The following SOCS2 variants were observed in gnomAD, a reference collection of about 807,000 sequenced individuals.
SOCS2 encodes suppressor of cytokine signaling 2.
In SOCS2, 10 loss-of-function variants were observed where a neutral mutation model predicts 18.6. The observed-to-expected ratio is 0.54, with a 90% CI of 0.33 to 0.91. SOCS2 has a LOEUF of 0.91. SOCS2 is among the 40% of genes least tolerant of loss of function. The pLI is 0.02. For missense variants in SOCS2, 231 were observed against 247.2 expected, an observed-to-expected ratio of 0.93 and a Z score of 0.44; for synonymous variants, 104 against 104.0, an observed-to-expected ratio of 1.00 and a Z score of 0.00.
the SOCS2 span, among the ~76,000 whole-genome samples, chr12:93,598,617 A>G: frequency 5.3e-5 from 8 of 152,220 alleles, no homozygotes; most frequent in Admixed American, 2.0e-4. Context: ...AGGATTCAAC[A>G]TTGTTTCAAA....
At chr12:93,608,914 C>G in the SOCS2 span, among the ~76,000 whole-genome samples, 1 of 152,136 alleles carries the variant, frequency 6.6e-6, no homozygotes, top group Non-Finnish European at 1.5e-5. Context: ...TTTGAATTTT[C>G]TAGATGAGGA....
At chr12:93,609,948 A>G in the SOCS2 span, among the ~76,000 whole-genome samples, 1 of 152,194 alleles carries the variant, frequency 6.6e-6, no homozygotes, top group Non-Finnish European at 1.5e-5. Context: ...AGGGCAAGAG[A>G]GAACAAGAAA....
At chr12:93,584,055 C>T (rs774941797), downstream of SOCS2, among the ~76,000 whole-genome samples, 1 of 152,164 alleles carries the variant, frequency 6.6e-6, no homozygotes, top group Non-Finnish European at 1.5e-5. Context: ...GTTGGTTTTA[C>T]AGCCAGAGAG....
chr12:93,575,043 AACCGCTCTAC>A lies in SOCS2; in HGVS notation c.464_473del (p.Pro155ArgfsTer30), dbSNP rs1954418667. On this transcript the variant is annotated frameshift_variant, in exon 2 of 2. Coordinates refer to ENST00000551556, the MANE Select transcript of SOCS2 (RefSeq NM_001270471.2). LOFTEE classifies it high-confidence loss of function. ...GGCACTGTTCACCTTTATCTGACCA[AACCGCTCTAC>A]ACGTCAGCACCATCTCTGCAGCATC... is the stretch of plus-strand genomic sequence containing the variant. The A allele has an allele frequency of 6.2e-7, 1 of 1,613,366 alleles. No homozygotes were observed. Among genetic ancestry groups the A allele is most frequent in the Non-Finnish European group, 8.5e-7 (1 of 1,179,774 alleles).
At chr12:93,619,222 G>A in the SOCS2 span, among the ~76,000 whole-genome samples, 3 of 152,288 alleles carry the variant, frequency 2.0e-5, no homozygotes, top group South Asian at 2.1e-4. Flanking sequence ...AGCGGTGACT[G>A]GGTAAGTTGC....
At chr12:93,588,555 C>T in the SOCS2 span, among the ~76,000 whole-genome samples, 8 of 151,242 alleles carry the variant, frequency 5.3e-5, no homozygotes, top group Middle Eastern at 6.9e-3. Context: ...CCTAAGGCAG[C>T]GATGGGGAGA....
At chr12:93,584,134 T>TG (rs1427534158), downstream of SOCS2, among the ~76,000 whole-genome samples, 1 of 152,188 alleles carries the variant, frequency 6.6e-6, no homozygotes, top group Middle Eastern at 3.4e-3. Context: ...CCTTGTAAGG[T>TG]GGGGACAGGG....
chr12:93,614,365 CTTT>C, the SOCS2 span, among the ~76,000 whole-genome samples: 7 of 31,060 alleles, frequency 2.3e-4, no homozygotes, highest in East Asian at 6.0e-4. Flanking sequence ...AATTTTCCTT[CTTT>C]CTTTCTTTCT....
chr12:93,583,955 A>G (rs1393301920), downstream of SOCS2, among the ~76,000 whole-genome samples: 1 of 152,218 alleles, frequency 6.6e-6, no homozygotes, highest in Non-Finnish European at 1.5e-5. Flanking sequence ...TCTCTTAAAG[A>G]TCTTAATTAC....
downstream of SOCS2, among the ~76,000 whole-genome samples, chr12:93,578,351 T>C (rs937485149): frequency 2.0e-5 from 3 of 152,178 alleles, no homozygotes; most frequent in African/African-American, 7.2e-5. Context: ...GACGTCATCT[T>C]CGTCAAGTAA....
chr12:93,606,392 A>G, the SOCS2 span, among the ~76,000 whole-genome samples: 1 of 152,132 alleles, frequency 6.6e-6, no homozygotes, highest in Non-Finnish European at 1.5e-5. Context: ...AACACATCAG[A>G]AAAAGACTAG....
the SOCS2 span, among the ~76,000 whole-genome samples, chr12:93,611,120 T>G: frequency 6.6e-6 from 1 of 152,174 alleles, no homozygotes; most frequent in African/African-American, 2.4e-5. Context: ...GATGAACTTC[T>G]GGCCAGTTAT....
downstream of SOCS2, among the ~76,000 whole-genome samples, chr12:93,580,831 A>G (rs969837577): frequency 1.3e-5 from 2 of 151,996 alleles, no homozygotes; most frequent in Non-Finnish European, 2.9e-5. Flanking sequence ...GTGTCTTTGT[A>G]TTTTGCATAT....
At chr12:93,608,390 GCTC>G in the SOCS2 span, among the ~76,000 whole-genome samples, 2 of 151,910 alleles carry the variant, frequency 1.3e-5, no homozygotes, top group Non-Finnish European at 1.5e-5. Flanking sequence ...TTTTTCTTTT[GCTC>G]CTGGCTCTAA....
intron 1 of SOCS2, chr12:93,573,560 T>A (rs1954342749): frequency 4.7e-6 from 1 of 214,744 alleles, no homozygotes; most frequent in Non-Finnish European, 9.1e-6. Flanking sequence ...GCGGCTTCCA[T>A]GGTCGGCGCG....
chr12:93,608,171 T>G, the SOCS2 span, among the ~76,000 whole-genome samples: 9 of 125,778 alleles, frequency 7.2e-5, no homozygotes, highest in African/African-American at 1.6e-4. Context: ...TGTTTTTTGG[T>G]TTTTTTTTTG....
upstream of SOCS2, chr12:93,572,601 A>C: frequency 3.3e-6 from 2 of 609,266 alleles, no homozygotes; most frequent in Non-Finnish European, 3.0e-6. This position sits in a 1 kb window ranked among gnomAD's most constrained non-coding sequence, Gnocchi z 5.0. Flanking sequence ...AGTCCCTGGG[A>C]TTTTCCACGT....
Position 93,573,033 on chromosome 12 carries a change from A to G in SOCS2, c.136A>G (p.Thr46Ala). Residue 46 changes from threonine (T) to alanine (A), a missense_variant, in exon 1 of 2, where the codon ACA (threonine) becomes GCA (alanine). Coordinates refer to ENST00000551556, the MANE Select transcript of SOCS2 (RefSeq NM_001270471.2). The stretch of plus-strand genomic sequence containing the variant: ...GAAGGCCCTGCGGGAGCTCGGTCAG[A>G]CAGGTAGGGAGCCGATCGGCCGCGA... ...LAKALRELGQ[T>A]GWYWGSMTVN... 6.4e-7 allele frequency: 1 copy of G among 1,564,444 alleles called. No individual in the cohort carries two copies. The highest frequency in any genetic ancestry group is 2.3e-5 in the East Asian group (1 of 42,722).
chr12:93,589,370 T>G, the SOCS2 span, among the ~76,000 whole-genome samples: 1 of 152,192 alleles, frequency 6.6e-6, no homozygotes, highest in Non-Finnish European at 1.5e-5. Context: ...TAAATTCCCA[T>G]GGGTTCTATC....
Sources: allele counts gnomAD v4.1 joint callset (sites outside exome capture counted in the v4.1 genomes callset), GRCh38; gene constraint gnomAD v4.1.1; non-coding constraint Gnocchi (gnomAD v3.1); transcripts MANE v1.5; gene names NCBI Gene and HGNC (gene_info 2026-07-23, HGNC 2026-07-21).